Variants in PPFIA2 observed in about 807,000 individuals in gnomAD.
The protein encoded by PPFIA2 is PPFI scaffold protein A2.
Under a neutral mutation model 175.5 loss-of-function variants are expected in PPFIA2, and 46 were observed. That is an observed-to-expected ratio of 0.26 (90% CI 0.21 to 0.34). PPFIA2 has a LOEUF of 0.34. Ranked by LOEUF, PPFIA2 falls within the 10% of genes least tolerant of loss-of-function variation. PPFIA2 has a pLI of 1.00. For synonymous variants in PPFIA2, 568 were observed against 511.4 expected (o/e 1.11, Z -1.49); for missense variants, 1,179 against 1,506.1 (o/e 0.78, Z 3.60).
At chr12:81,291,366 C>T (rs1337369130) in intron 24 of PPFIA2, among the ~76,000 whole-genome samples, 1 of 151,914 alleles carries the variant, frequency 6.6e-6, no homozygotes, top group Non-Finnish European at 1.5e-5. Context: ...CTCCATCACA[C>T]TTCACTTCTA....
At chr12:81,340,146 T>C (rs1427070289) in intron 20 of PPFIA2, among the ~76,000 whole-genome samples, 4 of 152,056 alleles carry the variant, frequency 2.6e-5, no homozygotes, top group African/African-American at 9.7e-5. Context: ...GCAATAGCTT[T>C]TTATATGTTG....
At chr12:81,414,419 G>A (rs567946793) in intron 7 of PPFIA2, among the ~76,000 whole-genome samples, 28 of 151,344 alleles carry the variant, frequency 1.9e-4, no homozygotes, top group Middle Eastern at 3.4e-3. Flanking sequence ...TTTATAACTC[G>A]TATACAGCAT....
At chr12:81,441,159 C>G (rs982336641) in intron 6 of PPFIA2, among the ~76,000 whole-genome samples, 1 of 151,496 alleles carries the variant, frequency 6.6e-6, no homozygotes, top group Non-Finnish European at 1.5e-5. Context: ...AACCCAGATA[C>G]ATAAAAATTA....
chr12:81,657,794 A>T (rs1361950993), intron 4 of PPFIA2, among the ~76,000 whole-genome samples: 1 of 152,140 alleles, frequency 6.6e-6, no homozygotes, highest in Non-Finnish European at 1.5e-5. Context: ...CATAATGAAG[A>T]TCTTAATGTA....
At chr12:81,489,795 A>G (rs2059237026) in intron 4 of PPFIA2, among the ~76,000 whole-genome samples, 1 of 151,852 alleles carries the variant, frequency 6.6e-6, no homozygotes, top group South Asian at 2.1e-4. Context: ...TTAATTCAAA[A>G]CATTTATGAG....
chr12:81,637,264 TTTTTTTTTTTTTTTTTTTTA>T, intron 4 of PPFIA2, among the ~76,000 whole-genome samples: 2 of 71,906 alleles, frequency 2.8e-5, no homozygotes, highest in African/African-American at 8.8e-5. Context: ...TTTTTTTTTT[TTTTTTTTTTTTTTTTTTTTA>T]GTAGAGATGG....
intron 4 of PPFIA2, among the ~76,000 whole-genome samples, chr12:81,666,825 C>A (rs188712047): frequency 8.0e-4 from 121 of 152,136 alleles, no homozygotes; most frequent in Non-Finnish European, 7.1e-4. Context: ...CTCAAGGTTA[C>A]AAACAGCTAT....
intron 7 of PPFIA2, among the ~76,000 whole-genome samples, chr12:81,416,325 A>C (rs2045254609): frequency 6.6e-6 from 1 of 151,596 alleles, no homozygotes; most frequent in Admixed American, 6.6e-5. Context: ...GAATATATAT[A>C]AGCAGATAAA....
intron 9 of PPFIA2, among the ~76,000 whole-genome samples, chr12:81,382,951 C>G (rs1364483206): frequency 6.6e-6 from 1 of 151,918 alleles, no homozygotes; most frequent in Non-Finnish European, 1.5e-5. Flanking sequence ...AGTAAAGGAG[C>G]CTTCGAAGAG....
At chr12:81,418,866 C>T (rs558709650) in intron 7 of PPFIA2, among the ~76,000 whole-genome samples, 5 of 151,778 alleles carry the variant, frequency 3.3e-5, no homozygotes, top group Non-Finnish European at 5.9e-5. Context: ...TGTTTTTTCA[C>T]ATGCTATTTT....
At chr12:81,526,121 T>C (rs543394630) in intron 4 of PPFIA2, among the ~76,000 whole-genome samples, 1 of 152,310 alleles carries the variant, frequency 6.6e-6, no homozygotes, top group East Asian at 1.9e-4. Context: ...ACCCCTGTAG[T>C]TTAAGGAAAG....
chr12:81,576,613 G>A (rs1165190170), intron 4 of PPFIA2, among the ~76,000 whole-genome samples: 2 of 151,670 alleles, frequency 1.3e-5, no homozygotes, highest in African/African-American at 2.4e-5. Flanking sequence ...GTTTATGATA[G>A]CATCTAATAT....
intron 4 of PPFIA2, among the ~76,000 whole-genome samples, chr12:81,589,532 G>A (rs1159188611): frequency 6.6e-6 from 1 of 152,056 alleles, no homozygotes; most frequent in African/African-American, 2.4e-5. Flanking sequence ...GTGAGGCAAT[G>A]TTTTCAAGTT....
At chr12:81,731,781 G>C (rs1317080007) in intron 3 of PPFIA2, among the ~76,000 whole-genome samples, 1 of 151,460 alleles carries the variant, frequency 6.6e-6, no homozygotes, top group Non-Finnish European at 1.5e-5. Flanking sequence ...TCTGTAAAAG[G>C]GGAATAATAA....
At chr12:81,567,908 A>T (rs891247793) in intron 4 of PPFIA2, among the ~76,000 whole-genome samples, 5 of 152,228 alleles carry the variant, frequency 3.3e-5, no homozygotes, top group African/African-American at 1.2e-4. Context: ...TCAGAAATGT[A>T]GGTGGCCTGG....
At chr12:81,566,529 T>TGGAA (rs1567361817) in intron 4 of PPFIA2, among the ~76,000 whole-genome samples, 7 of 14,824 alleles carry the variant, frequency 4.7e-4, no homozygotes, top group African/African-American at 1.4e-3. Context: ...AGACTCCAAC[T>TGGAA]CAAAAAAAAA....
At chr12:81,543,332 C>A (rs1161606737) in intron 4 of PPFIA2, among the ~76,000 whole-genome samples, 1 of 151,968 alleles carries the variant, frequency 6.6e-6, no homozygotes, top group East Asian at 1.9e-4. Flanking sequence ...TAAACACACA[C>A]AAAAAATGAT....
chr12:81,619,498 G>T (rs948604790), intron 4 of PPFIA2, among the ~76,000 whole-genome samples: 9 of 152,176 alleles, frequency 5.9e-5, no homozygotes, highest in Middle Eastern at 3.4e-3. Context: ...TCAATTTACT[G>T]CAAGATAGTA....
chr12:81,502,520 G>A (rs1039673211), intron 4 of PPFIA2, among the ~76,000 whole-genome samples: 2 of 152,104 alleles, frequency 1.3e-5, no homozygotes, highest in Non-Finnish European at 2.9e-5. Context: ...TCATCCAAAC[G>A]ATTTAATGTG....
Sources: allele counts gnomAD v4.1 joint callset (sites outside exome capture counted in the v4.1 genomes callset), GRCh38; gene constraint gnomAD v4.1.1; transcripts MANE v1.5; gene names NCBI Gene and HGNC (gene_info 2026-07-23, HGNC 2026-07-21).